The following PLCB4 variants were observed in gnomAD, a reference collection of about 807,000 sequenced individuals.
The protein encoded by PLCB4 is 1-phosphatidylinositol 4,5-bisphosphate phosphodiesterase beta-4.
PLCB4 carries 77 observed loss-of-function variants against 178.8 expected under a neutral mutation model. The observed-to-expected ratio is 0.43, with a 90% CI of 0.36 to 0.52. The LOEUF is 0.52. PLCB4 is among the 20% of genes least tolerant of loss of function. The pLI is 0.00. For missense variants in PLCB4, 1,024 were observed against 1,453.4 expected (o/e 0.70, Z 4.80); for synonymous variants, 496 against 490.8 (o/e 1.01, Z -0.14).
chr20:9,358,393 C>T (rs187407349), intron 7 of PLCB4, among the ~76,000 whole-genome samples: 29 of 152,300 alleles, frequency 1.9e-4, no homozygotes, highest in African/African-American at 6.7e-4. Flanking sequence ...GAGAAAATTA[C>T]ATCACAAACT....
chr20:9,136,099 CA>C (rs576578791), intron 2 of PLCB4, among the ~76,000 whole-genome samples: 69 of 152,266 alleles, frequency 4.5e-4, no homozygotes, highest in Non-Finnish European at 8.7e-4. Flanking sequence ...AAACTGTAGG[CA>C]GCATTTCTTA....
At chr20:9,253,486 C>G (rs571160874) in intron 3 of PLCB4, among the ~76,000 whole-genome samples, 41 of 152,256 alleles carry the variant, frequency 2.7e-4, no homozygotes, top group African/African-American at 9.6e-4. Context: ...TCCTCATCCC[C>G]ACTCTTGCCC....
intron 33 of PLCB4, among the ~76,000 whole-genome samples, chr20:9,456,903 G>C (rs965822774): frequency 6.6e-6 from 1 of 152,144 alleles, no homozygotes; most frequent in African/African-American, 2.4e-5. Flanking sequence ...AGTAATAGTT[G>C]CTGGGCACTC....
intron 14 of PLCB4, among the ~76,000 whole-genome samples, chr20:9,385,489 T>C (rs1872380264): frequency 6.8e-6 from 1 of 146,050 alleles, no homozygotes; most frequent in South Asian, 2.2e-4. Context: ...GCAGAGGCGC[T>C]CCTCACTTCC....
At chr20:9,421,556 C>G in intron 27 of PLCB4, 95 bp downstream of exon 27, 8 of 906,278 alleles carry the variant, frequency 8.8e-6, no homozygotes, top group Non-Finnish European at 1.4e-5. Context: ...CTTATTCAAC[C>G]GACAACATCT....
intron 2 of PLCB4, among the ~76,000 whole-genome samples, chr20:9,150,457 G>A (rs958209165): frequency 6.6e-6 from 1 of 152,116 alleles, no homozygotes; most frequent in African/African-American, 2.4e-5. Flanking sequence ...TTTTAATGTG[G>A]TGTCTTTAAA....
intron 1 of PLCB4, among the ~76,000 whole-genome samples, chr20:9,076,702 G>A (rs2089885912): frequency 6.6e-6 from 1 of 152,074 alleles, no homozygotes; most frequent in African/African-American, 2.4e-5. Flanking sequence ...CATTTTCCTT[G>A]TTGCTTTTAA....
intron 3 of PLCB4, among the ~76,000 whole-genome samples, chr20:9,234,445 G>C (rs1037354592): frequency 1.3e-5 from 2 of 152,080 alleles, no homozygotes; most frequent in African/African-American, 4.8e-5. Flanking sequence ...AACATGTAGA[G>C]GTTAAGCAAA....
chr20:9,437,049 A>G lies in PLCB4; in HGVS notation c.2661A>G (p.Lys887=). 3 of 1,614,100 alleles carry G rather than the reference A, an allele frequency of 1.9e-6. No homozygotes were observed. Among genetic ancestry groups the G allele is most frequent in the Non-Finnish European group, 2.5e-6 (3 of 1,179,978 alleles). ...GTGACACTTCCAAAAATGACAAGAA[A>G]GGAAAGGCCAACACCGCCAAAGCAA... ...VPSDTSKNDK[K]GKANTAKANV... Residue 887 remains lysine (K), a synonymous_variant, in exon 30 of 40, where the codon AAA becomes AAG. Transcript: ENST00000378473.
At chr20:9,431,811 C>T (rs1360718388) in intron 28 of PLCB4, among the ~76,000 whole-genome samples, 1 of 151,976 alleles carries the variant, frequency 6.6e-6, no homozygotes, top group Non-Finnish European at 1.5e-5. Flanking sequence ...TGACCGGCCT[C>T]CGCTTTATTT....
intron 25 of PLCB4, among the ~76,000 whole-genome samples, chr20:9,413,792 G>A (rs1385746551): frequency 6.6e-6 from 1 of 151,834 alleles, no homozygotes; most frequent in African/African-American, 2.4e-5. Context: ...ACAGGGTTTC[G>A]CTCTGTCACC....
chr20:9,196,531 G>A (rs1477482619), intron 2 of PLCB4, among the ~76,000 whole-genome samples: 2 of 152,138 alleles, frequency 1.3e-5, no homozygotes, highest in East Asian at 3.9e-4. Flanking sequence ...AGGAATTGGT[G>A]TTCAGAATTC....
intron 4 of PLCB4, among the ~76,000 whole-genome samples, chr20:9,318,436 A>C (rs1425583688): frequency 6.6e-6 from 1 of 152,082 alleles, no homozygotes; most frequent in Non-Finnish European, 1.5e-5. Flanking sequence ...TGCAAAAAAA[A>C]CCTGAAAAGA....
intron 38 of PLCB4, among the ~76,000 whole-genome samples, 171 bp downstream of exon 38, chr20:9,473,536 C>T (rs1166344957): frequency 6.6e-6 from 1 of 151,962 alleles, no homozygotes; most frequent in Non-Finnish European, 1.5e-5. Flanking sequence ...AAAGAAAGTA[C>T]CAGTTTTTGG....
chr20:9,445,055 T>C (rs905133240), intron 32 of PLCB4, among the ~76,000 whole-genome samples: 5 of 152,194 alleles, frequency 3.3e-5, no homozygotes, highest in Non-Finnish European at 7.4e-5. Context: ...ACAGTGATTG[T>C]GAAAAATTAC....
chr20:9,333,797 A>G (rs1471355899), intron 4 of PLCB4, among the ~76,000 whole-genome samples: 2 of 152,122 alleles, frequency 1.3e-5, no homozygotes, highest in African/African-American at 2.4e-5. Flanking sequence ...AAGACTTGCT[A>G]CTGAAAGTGA....
intron 2 of PLCB4, among the ~76,000 whole-genome samples, chr20:9,098,715 A>G (rs2091017485): frequency 7.0e-6 from 1 of 142,598 alleles, no homozygotes; most frequent in Non-Finnish European, 1.5e-5. Context: ...ATACATATAT[A>G]CGTGTGTGTG....
chr20:9,118,572 C>T (rs8114968), intron 2 of PLCB4, among the ~76,000 whole-genome samples: 21,661 of 151,820 alleles, frequency 0.14, 1,638 homozygotes, highest in Middle Eastern at 0.19. Context: ...AATTTACACA[C>T]AGCACATCTC....
At chr20:9,420,793 G>C (rs2148564950) in intron 26 of PLCB4, among the ~76,000 whole-genome samples, 1 of 152,276 alleles carries the variant, frequency 6.6e-6, no homozygotes, top group East Asian at 1.9e-4. Flanking sequence ...CTTTATCGTA[G>C]ATAGACTAAC....
Sources: gnomAD v4.1 joint callset for allele counts (sites outside exome capture counted in the v4.1 genomes callset) on GRCh38, gnomAD v4.1.1 for gene constraint, MANE v1.5 for transcripts, NCBI Gene and HGNC (gene_info 2026-07-23, HGNC 2026-07-21) for gene names.